The following ZBTB20 variants were observed in gnomAD, a reference collection of about 807,000 sequenced individuals.
ZBTB20 encodes zinc finger and BTB domain-containing protein 20.
Under a neutral mutation model 56.9 loss-of-function variants are expected in ZBTB20, and 9 were observed. The observed-to-expected ratio is 0.16, with a 90% CI of 0.10 to 0.28. ZBTB20 has a LOEUF of 0.28. ZBTB20 is among the 10% of genes least tolerant of loss of function. The pLI is 1.00. For missense variants in ZBTB20, 655 were observed against 1,003.0 expected, an observed-to-expected ratio of 0.65 and a Z score of 4.69; for synonymous variants, 417 against 420.7, an observed-to-expected ratio of 0.99 and a Z score of 0.11.
At chr3:114,955,184 T>A (rs2077204773) in intron 3 of ZBTB20, among the ~76,000 whole-genome samples, 1 of 152,190 alleles carries the variant, frequency 6.6e-6, no homozygotes, top group Non-Finnish European at 1.5e-5. Flanking sequence ...GAAAGAATTC[T>A]GATAACTCCA....
At chr3:114,808,399 G>A (rs186689655) in intron 4 of ZBTB20, among the ~76,000 whole-genome samples, 9 of 151,970 alleles carry the variant, frequency 5.9e-5, no homozygotes, top group Non-Finnish European at 8.8e-5. Flanking sequence ...GAGAGAGAAG[G>A]TATCACCACC....
intron 5 of ZBTB20, among the ~76,000 whole-genome samples, chr3:114,730,300 T>C (rs1393838143): frequency 6.6e-6 from 1 of 152,116 alleles, no homozygotes; most frequent in African/African-American, 2.4e-5. Context: ...AGCATTCCAA[T>C]AGTGGAACAC....
intron 6 of ZBTB20, among the ~76,000 whole-genome samples, chr3:114,574,455 C>T (rs925150724): frequency 2.0e-5 from 3 of 152,190 alleles, no homozygotes; most frequent in African/African-American, 7.2e-5. Flanking sequence ...CTGAAAATTA[C>T]TATTTTTCAT....
intron 5 of ZBTB20, among the ~76,000 whole-genome samples, chr3:114,747,392 C>A (rs2067121702): frequency 6.6e-6 from 1 of 152,006 alleles, no homozygotes; most frequent in Non-Finnish European, 1.5e-5. Flanking sequence ...ATGGTGAAAC[C>A]CTCTCTCTAC....
intron 2 of ZBTB20, among the ~76,000 whole-genome samples, chr3:114,993,247 TAGA>T (rs1248489537): frequency 4.6e-5 from 7 of 151,390 alleles, no homozygotes; most frequent in African/African-American, 1.2e-4. Flanking sequence ...CAAAAGAAAA[TAGA>T]AGAAGAGATG....
chr3:114,367,817 A>C (rs911633444), intron 10 of ZBTB20, among the ~76,000 whole-genome samples: 3 of 152,074 alleles, frequency 2.0e-5, no homozygotes, highest in Non-Finnish European at 4.4e-5. Context: ...AAAAGAAGGC[A>C]AAGAGATAAT....
intron 7 of ZBTB20, among the ~76,000 whole-genome samples, chr3:114,395,164 G>A (rs1292597656): frequency 6.6e-6 from 1 of 152,126 alleles, no homozygotes; most frequent in African/African-American, 2.4e-5. Flanking sequence ...GTGAGTTAGT[G>A]GGGACGGGTT....
chr3:114,972,246 G>T (rs2077914819), intron 3 of ZBTB20, among the ~76,000 whole-genome samples: 1 of 152,172 alleles, frequency 6.6e-6, no homozygotes, highest in Non-Finnish European at 1.5e-5. Flanking sequence ...TTCATTGACA[G>T]TATATATTGT....
At chr3:114,382,608 C>A (rs1040139527) in intron 8 of ZBTB20, among the ~76,000 whole-genome samples, 6 of 152,148 alleles carry the variant, frequency 3.9e-5, no homozygotes, top group Non-Finnish European at 8.8e-5. Context: ...TCCTCTCTGC[C>A]AGGTAGGACT....
intron 2 of ZBTB20, among the ~76,000 whole-genome samples, chr3:115,005,674 C>A (rs911357578): frequency 1.3e-5 from 2 of 151,876 alleles, no homozygotes; most frequent in African/African-American, 4.8e-5. Context: ...CAGGACTTAA[C>A]TGACAAATCT....
At chr3:114,546,347 C>A (rs1025690042) in intron 6 of ZBTB20, among the ~76,000 whole-genome samples, 1 of 152,066 alleles carries the variant, frequency 6.6e-6, no homozygotes, top group African/African-American at 2.4e-5. Flanking sequence ...TGGACCTGGC[C>A]CACTACCTCT....
intron 4 of ZBTB20, among the ~76,000 whole-genome samples, chr3:114,825,873 G>A (rs181883688): frequency 6.6e-6 from 1 of 151,722 alleles, no homozygotes; most frequent in African/African-American, 2.4e-5. Context: ...TTCCTCGCTG[G>A]GGTCTTAATT....
chr3:115,061,011 C>T (rs891611416), intron 2 of ZBTB20, among the ~76,000 whole-genome samples: 3 of 151,884 alleles, frequency 2.0e-5, no homozygotes, highest in African/African-American at 4.8e-5. Flanking sequence ...TTATATCTTC[C>T]GATTCTCCAA....
chr3:114,821,379 G>A (rs569391244), intron 4 of ZBTB20, among the ~76,000 whole-genome samples: 1 of 152,184 alleles, frequency 6.6e-6, no homozygotes, highest in South Asian at 2.1e-4. Flanking sequence ...TTCAAGCCCT[G>A]CTGCACATCA....
At chr3:115,088,497 A>T (rs997929393) in intron 1 of ZBTB20, among the ~76,000 whole-genome samples, 1 of 151,884 alleles carries the variant, frequency 6.6e-6, no homozygotes, top group African/African-American at 2.4e-5. Flanking sequence ...CTAAATTTAC[A>T]AAATCATGAT....
At chr3:114,592,771 C>T in intron 6 of ZBTB20, among the ~76,000 whole-genome samples, 1 of 152,058 alleles carries the variant, frequency 6.6e-6, no homozygotes, top group East Asian at 1.9e-4. Flanking sequence ...TTCTTTTGTC[C>T]AATCTTTTCC....
chr3:114,456,974 T>G (rs781090447), intron 7 of ZBTB20, among the ~76,000 whole-genome samples: 1 of 152,216 alleles, frequency 6.6e-6, no homozygotes, highest in Non-Finnish European at 1.5e-5. Flanking sequence ...GTAATTTAGT[T>G]TATTTGCACA....
At chr3:114,545,623 C>T (rs2110145506) in intron 6 of ZBTB20, among the ~76,000 whole-genome samples, 1 of 152,158 alleles carries the variant, frequency 6.6e-6, no homozygotes, top group African/African-American at 2.4e-5. Context: ...ATTAATAACC[C>T]ATAGTAGGGA....
intron 2 of ZBTB20, among the ~76,000 whole-genome samples, chr3:115,062,894 A>G (rs548533312): frequency 7.9e-4 from 120 of 152,324 alleles, no homozygotes; most frequent in South Asian, 2.7e-3. Flanking sequence ...CTTAGAATGA[A>G]GGGAAACTAT....
Sources: allele counts gnomAD v4.1 joint callset (sites outside exome capture counted in the v4.1 genomes callset), GRCh38; gene constraint gnomAD v4.1.1; transcripts MANE v1.5; gene names NCBI Gene and HGNC (gene_info 2026-07-23, HGNC 2026-07-21).